Variants in PRRC2B observed in about 807,000 individuals in gnomAD.
PRRC2B encodes the protein protein PRRC2B.
In PRRC2B, 68 loss-of-function variants were observed where a neutral mutation model predicts 242.3. The observed-to-expected ratio is 0.28, with a 90% confidence interval of 0.23 to 0.34. The LOEUF (loss-of-function observed/expected upper bound fraction) is 0.34, where lower values mean the gene tolerates loss of function less well. PRRC2B is among the 10% of genes least tolerant of loss of function. The pLI, the probability that PRRC2B is intolerant of heterozygous loss-of-function variation, is 1.00. For missense variants in PRRC2B, 2,835 were observed against 2,954.8 expected (o/e 0.96, Z 0.94); for synonymous variants, 1,228 against 1,173.6 (o/e 1.05, Z -0.95).
chr9:131,379,887 G>T (rs1351075200), intron 1 of PRRC2B, among the ~76,000 whole-genome samples: 1 of 150,694 alleles, frequency 6.6e-6, no homozygotes, highest in African/African-American at 2.4e-5. Context: ...GCCTCCCAAA[G>T]TGCTGGGATT....
rs778138922 is a variant in PRRC2B at position 131,459,274 on chromosome 9, C to T, written c.1322C>T (p.Ala441Val). The T allele has an allele frequency of 9.3e-6, 15 of 1,613,828 alleles. No individual in the cohort carries two copies. The highest frequency in any genetic ancestry group is 4.5e-5 in the East Asian group (2 of 44,892). The change falls in exon 11 of 32, where the codon GCG becomes GTG. Residue 441 changes from alanine to valine, a missense_variant. Ala to Val is a moderately conservative substitution (Grantham distance 64). Coordinates refer to ENST00000683519, the MANE Select transcript of PRRC2B (RefSeq NM_013318.4). Reference protein sequence around the residue: ...EGKDWAEAVGASRVVRKAPDP... With the variant: ...EGKDWAEAVGVSRVVRKAPDP... ...AAGGACTGGGCTGAAGCAGTGGGTG[C>T]GTCCCGTGTGGTCCGAAAGGCGCCA...
intron 1 of PRRC2B, among the ~76,000 whole-genome samples, chr9:131,419,220 G>A (rs1303753110): frequency 6.6e-6 from 1 of 152,212 alleles, no homozygotes; most frequent in Non-Finnish European, 1.5e-5. Context: ...ATTAGTCACA[G>A]TAGAGTGTTT....
At chr9:131,481,341 T>C (rs895119175) in intron 19 of PRRC2B, among the ~76,000 whole-genome samples, 38 of 142,852 alleles carry the variant, frequency 2.7e-4, no homozygotes, top group African/African-American at 7.7e-4. Context: ...AAGAAAGATA[T>C]ATTTTTTAAT....
intron 5 of PRRC2B, among the ~76,000 whole-genome samples, chr9:131,442,095 G>A (rs1452035585): frequency 6.6e-6 from 1 of 151,870 alleles, no homozygotes; most frequent in Non-Finnish European, 1.5e-5. Context: ...ACAGGTGCTG[G>A]TTTTTTTCCT....
At chr9:131,403,372 G>A (rs527943980) in intron 1 of PRRC2B, among the ~76,000 whole-genome samples, 2 of 150,902 alleles carry the variant, frequency 1.3e-5, no homozygotes, top group Non-Finnish European at 2.9e-5. Context: ...TTTTTTTTGA[G>A]GTGGAGTCTT....
intron 10 of PRRC2B, among the ~76,000 whole-genome samples, chr9:131,457,804 G>C (rs2994068): frequency 0.98 from 148,947 of 152,242 alleles, 72,954 homozygotes; most frequent in East Asian, 1. Flanking sequence ...CTCCATTTCT[G>C]ACAAAGTCAG....
In PRRC2B at chr9:131,476,529, T is replaced by G. The variant is rs1303203086; in HGVS notation, c.4400T>G (p.Val1467Gly). Residue 1467 changes from valine to glycine, a missense_variant, in exon 16 of 32, where the codon GTG becomes GGG. Val to Gly is a moderately radical substitution (Grantham distance 109, BLOSUM62 -3). Transcript: ENST00000683519. ...ESQQNGTPLK[V>G]KRSPDEALPG... The stretch of plus-strand genomic sequence containing the variant: ...CAACAGAATGGGACGCCTTTGAAAG[T>G]GAAAAGGTAAAACCAGACACCATCT... 6.3e-7 allele frequency: 1 copy of G among 1,587,830 alleles called. No individual in the cohort carries two copies.
intron 28 of PRRC2B, among the ~76,000 whole-genome samples, chr9:131,490,194 C>A (rs1944148006): frequency 6.6e-6 from 1 of 151,698 alleles, no homozygotes; most frequent in Non-Finnish European, 1.5e-5. Context: ...TTCTGCTTGT[C>A]CAGTCCACAT....
chr9:131,410,704 C>G (rs1316927877), intron 1 of PRRC2B, among the ~76,000 whole-genome samples: 1 of 152,164 alleles, frequency 6.6e-6, no homozygotes, highest in Non-Finnish European at 1.5e-5. Context: ...GTTCAAGGAA[C>G]TAATTTTATT....
chr9:131,457,787 C>T (rs1158879420), intron 10 of PRRC2B, among the ~76,000 whole-genome samples: 1 of 152,142 alleles, frequency 6.6e-6, no homozygotes, highest in Non-Finnish European at 1.5e-5. Context: ...AGCAGCTTTA[C>T]TGTGGTCTCC....
At chr9:131,455,210 T>TGA in intron 10 of PRRC2B, 44 bp downstream of exon 10, 1 of 1,365,756 alleles carries the variant, frequency 7.3e-7, no homozygotes, top group Non-Finnish European at 1.0e-6. Flanking sequence ...GCATCCCTGC[T>TGA]TAGTGTTGTT....
chr9:131,447,378 C>G lies in PRRC2B; in HGVS notation c.977+172C>G, dbSNP rs79861698. Among the ~76,000 whole-genome samples, 906 of 152,038 alleles carry G rather than the reference C, an allele frequency of 6.0e-3. 9 individuals carry two copies. Among genetic ancestry groups the G allele is most frequent in the African/African-American group, 0.021 (873 of 41,456 alleles). Reference sequence around the variant, plus strand: ...GTGGCTGGGATTTGGAGCTGGATGACAGATTGAGTCATGATTTCAAGTGCC... The same window carrying G: ...GTGGCTGGGATTTGGAGCTGGATGAGAGATTGAGTCATGATTTCAAGTGCC... On this transcript the variant is annotated intron_variant, in intron 8 of 31. Transcript: ENST00000683519.
In PRRC2B at chr9:131,464,910, C is replaced by G. The variant is rs375283040; in HGVS notation, c.1552C>G (p.Arg518Gly). 1.2e-6 allele frequency: 2 copies of G among 1,613,706 alleles called. No homozygotes were observed. Among genetic ancestry groups the G allele is most frequent in the Non-Finnish European group, 1.7e-6 (2 of 1,179,810 alleles). ...KRREEEERRA[R>G]EERLAACAAK... ...CCGGGAAGAAGAGGAGCGCCGAGCC[C>G]GGGAGGAGAGGCTGGCCGCCTGTGC... The change falls in exon 12 of 32, where the codon CGG becomes GGG. Residue 518 changes from arginine to glycine, a missense_variant. Arg to Gly is a moderately radical substitution (Grantham distance 125, BLOSUM62 -2). Coordinates refer to ENST00000683519, the MANE Select transcript of PRRC2B (RefSeq NM_013318.4).
chr9:131,492,531 C>T (rs1454789641), intron 30 of PRRC2B, among the ~76,000 whole-genome samples: 1 of 152,156 alleles, frequency 6.6e-6, no homozygotes, highest in Non-Finnish European at 1.5e-5. Flanking sequence ...GGAAAAGGAA[C>T]GGCTGACATT....
chr9:131,410,280 G>A (rs1366058914), intron 1 of PRRC2B, among the ~76,000 whole-genome samples: 1 of 152,236 alleles, frequency 6.6e-6, no homozygotes, highest in Non-Finnish European at 1.5e-5. Context: ...CCCTGTGGGT[G>A]AGGAGCCCAG....
intron 13 of PRRC2B, among the ~76,000 whole-genome samples, chr9:131,470,008 C>T (rs1047950366): frequency 8.6e-5 from 13 of 152,008 alleles, no homozygotes; most frequent in Non-Finnish European, 1.8e-4. Flanking sequence ...CTGGGGGTTA[C>T]GACAGGCTTT....
intron 1 of PRRC2B, among the ~76,000 whole-genome samples, chr9:131,421,938 G>A (rs562163576): frequency 1.3e-4 from 20 of 152,358 alleles, no homozygotes; most frequent in African/African-American, 4.8e-4. Context: ...AGGTCGTGGG[G>A]CATTCAGTCT....
rs1331973361 is a variant in PRRC2B, at chr9:131,482,513, CCAAGGCCGACAGCCA to C, written c.5132_5146del (p.Ala1711_Lys1715del). 6.8e-6 allele frequency: 11 copies of C among 1,610,044 alleles called. No individual in the cohort carries two copies. The highest frequency in any genetic ancestry group is 9.3e-6 in the Non-Finnish European group (11 of 1,177,052). On this transcript the variant is annotated inframe_deletion, in exon 21 of 32. Coordinates refer to ENST00000683519, the MANE Select transcript of PRRC2B (RefSeq NM_013318.4). This position sits in a 1 kb window ranked among gnomAD's most constrained non-coding sequence, Gnocchi z 5.2. ...ATGAGCGGGCCCGGCCTGGCGGAAC[CCAAGGCCGACAGCCA>C]CAAGGAGCAGGCTCCAAAGCCATCT...
intron 10 of PRRC2B, 106 bp downstream of exon 10, chr9:131,455,272 A>G (rs1943039681): frequency 2.6e-6 from 2 of 758,956 alleles, no homozygotes; most frequent in Admixed American, 5.4e-5. Context: ...TGGCAGACAG[A>G]TGCTGTTTCC....
Sources: gnomAD v4.1 joint callset for allele counts (sites outside exome capture counted in the v4.1 genomes callset) on GRCh38, gnomAD v4.1.1 for gene constraint, Gnocchi (gnomAD v3.1) non-coding constraint, MANE v1.5 for transcripts, NCBI Gene and HGNC (gene_info 2026-07-23, HGNC 2026-07-21) for gene names.